The following JAZF1 variants were observed in gnomAD, a reference collection of about 807,000 sequenced individuals.
JAZF1 encodes the protein JAZF zinc finger 1.
Under a neutral mutation model 26.4 loss-of-function variants are expected in JAZF1, and 8 were observed. The ratio of observed to expected loss-of-function variants is 0.30; its 90% CI spans 0.18 to 0.55. The LOEUF (loss-of-function observed/expected upper bound fraction) is 0.55. Ranked by LOEUF, JAZF1 falls within the 20% of genes least tolerant of loss-of-function variation. The probability of loss-of-function intolerance (pLI) is 0.94; values close to 1 mark genes in which losing one functional copy is unlikely to be tolerated. For missense variants in JAZF1, 199 were observed against 322.0 expected, an observed-to-expected ratio of 0.62 and a Z score of 2.92; for synonymous variants, 126 against 122.3, an observed-to-expected ratio of 1.03 and a Z score of -0.20.
intron 2 of JAZF1, among the ~76,000 whole-genome samples, chr7:27,939,097 G>A (rs1199497261): frequency 6.6e-6 from 1 of 152,164 alleles, no homozygotes; most frequent in East Asian, 1.9e-4. Context: ...ACCTTGTGTT[G>A]CAGAGCCAAG....
In JAZF1 at chr7:28,040,864, A is replaced by T. The variant is rs79360511; in HGVS notation, c.116-48883T>A. Among the ~76,000 whole-genome samples the T allele has an allele frequency of 5.2e-3, 793 of 152,310 alleles. 4 individuals carry two copies. The highest frequency in any genetic ancestry group is 0.014 in the Middle Eastern group (4 of 294). ...CAATTCTCTAACAAGCTTTATCCCAAGAATCACTTTAGATATTCCATTTAA... is the reference window on the plus strand; with the variant it reads ...CAATTCTCTAACAAGCTTTATCCCATGAATCACTTTAGATATTCCATTTAA... On this transcript the variant is annotated intron_variant, in intron 1 of 4. Coordinates refer to ENST00000283928, the MANE Select transcript of JAZF1 (RefSeq NM_175061.4).
chr7:28,157,543 G>A (rs961073453), intron 1 of JAZF1, among the ~76,000 whole-genome samples: 3 of 152,034 alleles, frequency 2.0e-5, no homozygotes, highest in Non-Finnish European at 4.4e-5. Context: ...CTTAGTATGC[G>A]GGCTGTACAA....
rs143558741 is a variant in JAZF1, at chr7:28,035,969, G to A, written c.116-43988C>T. Among the ~76,000 whole-genome samples the A allele has an allele frequency of 2.1e-3, 324 of 152,324 alleles. 4 individuals carry two copies. Among genetic ancestry groups the A allele is most frequent in the Admixed American group, 0.017 (263 of 15,304 alleles). Reference sequence around the variant, plus strand: ...AAGAAGATATATTTGTGAAAATTCAGCAGGAAGACCTTATCTTTTTTTCTA... The same window carrying A: ...AAGAAGATATATTTGTGAAAATTCAACAGGAAGACCTTATCTTTTTTTCTA... On this transcript the variant is annotated intron_variant, in intron 1 of 4. Transcript: ENST00000283928.
intron 1 of JAZF1, among the ~76,000 whole-genome samples, chr7:28,078,375 A>AT (rs1186970895): frequency 1.3e-5 from 2 of 152,216 alleles, no homozygotes; most frequent in Non-Finnish European, 2.9e-5. Flanking sequence ...TGAGACCATC[A>AT]TATGTGCATG....
intron 3 of JAZF1, among the ~76,000 whole-genome samples, chr7:27,872,788 G>A (rs906318189): frequency 1.3e-5 from 2 of 151,980 alleles, no homozygotes; most frequent in African/African-American, 4.8e-5. Context: ...TCTTCAGGCT[G>A]CTTGTAAAAA....
At chr7:27,889,416 C>T (rs890105350) in intron 3 of JAZF1, among the ~76,000 whole-genome samples, 1 of 152,106 alleles carries the variant, frequency 6.6e-6, no homozygotes. Context: ...GATGATCCCA[C>T]GTCAAAGGTC....
intron 1 of JAZF1, among the ~76,000 whole-genome samples, chr7:28,042,409 A>G (rs1284497341): frequency 6.6e-6 from 1 of 152,192 alleles, no homozygotes; most frequent in Non-Finnish European, 1.5e-5. Context: ...GGTTCCTGAC[A>G]TGATCAAGTT....
intron 1 of JAZF1, among the ~76,000 whole-genome samples, chr7:28,100,990 G>A (rs1379673633): frequency 6.6e-6 from 1 of 152,134 alleles, no homozygotes; most frequent in African/African-American, 2.4e-5. Context: ...GCTGGTGATA[G>A]GAATTATTTA....
At chr7:28,042,583 C>T (rs1188801930) in intron 1 of JAZF1, among the ~76,000 whole-genome samples, 2 of 152,204 alleles carry the variant, frequency 1.3e-5, no homozygotes, top group East Asian at 1.9e-4. Flanking sequence ...GTTTTTAAAA[C>T]ATTGTTGTCT....
intron 1 of JAZF1, among the ~76,000 whole-genome samples, chr7:28,129,485 G>A (rs985787274): frequency 1.3e-5 from 2 of 152,076 alleles, no homozygotes; most frequent in African/African-American, 4.8e-5. Flanking sequence ...TTCATACAGG[G>A]ATTTGTGTTT....
At chr7:27,866,479 G>C (rs897840049) in intron 3 of JAZF1, among the ~76,000 whole-genome samples, 2 of 152,198 alleles carry the variant, frequency 1.3e-5, no homozygotes, top group Non-Finnish European at 2.9e-5. Context: ...CTGTAAAATG[G>C]AAGTAATATT....
intron 2 of JAZF1, among the ~76,000 whole-genome samples, chr7:27,949,974 T>C (rs1332911401): frequency 6.6e-6 from 1 of 152,188 alleles, no homozygotes; most frequent in African/African-American, 2.4e-5. Context: ...TCCTGACTTT[T>C]ACTAGACACT....
chr7:27,891,389 C>A (rs962120643), intron 3 of JAZF1, among the ~76,000 whole-genome samples: 2 of 151,968 alleles, frequency 1.3e-5, no homozygotes, highest in South Asian at 4.2e-4. Context: ...ACTATATGGA[C>A]CTTTATAGAA....
At chr7:28,094,674 A>G (rs971754332) in intron 1 of JAZF1, among the ~76,000 whole-genome samples, 1 of 152,242 alleles carries the variant, frequency 6.6e-6, no homozygotes, top group African/African-American at 2.4e-5. Context: ...AACATGGGCA[A>G]GCAGACCCGA....
chr7:28,018,125 G>C lies in JAZF1; in HGVS notation c.116-26144C>G, dbSNP rs1262507406. Among the ~76,000 whole-genome samples, 4 of 152,206 alleles carry C rather than the reference G, an allele frequency of 2.6e-5. No individual in the cohort carries two copies. The East Asian group carries it at 7.7e-4, about 29-fold the overall frequency. On this transcript the variant is annotated intron_variant, in intron 1 of 4. Coordinates refer to ENST00000283928, the MANE Select transcript of JAZF1 (RefSeq NM_175061.4). ...AGGATAGGAAAAGCCTTTCCATGGA[G>C]ATGATGTTCCAGCCAAGACAGGAAG...
chr7:28,016,741 G>A (rs1027658176), intron 1 of JAZF1, among the ~76,000 whole-genome samples: 2 of 152,042 alleles, frequency 1.3e-5, no homozygotes, highest in African/African-American at 4.8e-5. Context: ...CCTCCCTAAA[G>A]AGCCTGTTGA....
chr7:27,879,650 A>G lies in JAZF1; in HGVS notation c.385+15570T>C, dbSNP rs144199909. On this transcript the variant is annotated intron_variant, in intron 3 of 4. Transcript: ENST00000283928. ...TAAAAGGGTGGGGCCTGCTCAAGAT[A>G]TAGGGTCATGATCACGCCTCAAAAA... 9.0e-4 allele frequency among the ~76,000 whole-genome samples: 137 copies of G among 152,302 alleles called. 2 individuals carry two copies. The highest frequency in any genetic ancestry group is 3.3e-3 in the African/African-American group (136 of 41,568).
At chr7:28,085,597 C>G (rs1481268123) in intron 1 of JAZF1, among the ~76,000 whole-genome samples, 5 of 152,112 alleles carry the variant, frequency 3.3e-5, no homozygotes, top group Non-Finnish European at 5.9e-5. Flanking sequence ...ACGTTATAAA[C>G]CCCTCCAAAA....
At chr7:28,120,501 CTTTTTTTT>C (rs58448766) in intron 1 of JAZF1, among the ~76,000 whole-genome samples, 1,047 of 59,058 alleles carry the variant, frequency 0.018, 32 homozygotes, top group African/African-American at 0.069. Flanking sequence ...ACACACAGTT[CTTTTTTTT>C]TTTTTTTTTT....
Sources: allele counts gnomAD v4.1 joint callset (sites outside exome capture counted in the v4.1 genomes callset), GRCh38; gene constraint gnomAD v4.1.1; transcripts MANE v1.5; gene names NCBI Gene and HGNC (gene_info 2026-07-23, HGNC 2026-07-21).